Variants in EXOSC10 observed in about 807,000 individuals in gnomAD.
EXOSC10 encodes the protein exosome complex component 10.
Under a neutral mutation model 126.6 loss-of-function variants are expected in EXOSC10, and 94 were observed. That is an observed-to-expected ratio of 0.74 (90% CI 0.63 to 0.88). EXOSC10 has a LOEUF of 0.88. Ranked by LOEUF, EXOSC10 falls within the 40% of genes least tolerant of loss-of-function variation. EXOSC10 has a pLI of 0.00. For synonymous variants in EXOSC10, 395 were observed against 400.8 expected (o/e 0.99, Z 0.17); for missense variants, 1,041 against 1,100.5 (o/e 0.95, Z 0.77).
At chr1:11,091,422 A>C (rs1640798091) in intron 4 of EXOSC10, 71 bp downstream of exon 4, 1 of 1,309,828 alleles carries the variant, frequency 7.6e-7, no homozygotes, top group African/African-American at 1.5e-5. Flanking sequence ...ACAGAAATGC[A>C]TGTTAGAATG....
At chr1:11,097,587 G>A (rs1641180451) in intron 2 of EXOSC10, among the ~76,000 whole-genome samples, 1 of 151,350 alleles carries the variant, frequency 6.6e-6, no homozygotes, top group Non-Finnish European at 1.5e-5. Flanking sequence ...TTAGCTGGGC[G>A]TGTTGACGGG....
Position 11,079,253 on chromosome 1 carries a change from C to T in EXOSC10, c.1749+458G>A, listed in dbSNP as rs140099707. Among the ~76,000 whole-genome samples the T allele has an allele frequency of 2.0e-5, 3 of 151,128 alleles. No individual in the cohort carries two copies. In the East Asian group the frequency reaches 6.0e-4, roughly 30 times the overall value. The stretch of plus-strand genomic sequence containing the variant: ...TTGAGTCAGGAGAACTGCTTGAATC[C>T]AGGAGGCGGAGGTTGCAGTGAGCCG... On this transcript the variant is annotated intron_variant, in intron 14 of 24. Coordinates refer to ENST00000376936, the MANE Select transcript of EXOSC10 (RefSeq NM_001001998.3).
At chr1:11,074,110 CTT>C (rs1639679879) in intron 18 of EXOSC10, 102 bp from the exon 19 acceptor site, 1 of 1,394,682 alleles carries the variant, frequency 7.2e-7, no homozygotes, top group East Asian at 2.3e-5. Flanking sequence ...TTGTCAGCGT[CTT>C]TGCCAGGACA....
chr1:11,095,205 C>G (rs1216471379), intron 3 of EXOSC10, among the ~76,000 whole-genome samples: 28 of 143,734 alleles, frequency 1.9e-4, no homozygotes, highest in Non-Finnish European at 3.9e-4. Flanking sequence ...AAGCAAGACT[C>G]CGTCTCAAAA....
intron 9 of EXOSC10, among the ~76,000 whole-genome samples, chr1:11,086,731 A>G (rs2100208653): frequency 6.6e-6 from 1 of 152,310 alleles, no homozygotes; most frequent in East Asian, 1.9e-4. Flanking sequence ...TGGGTACATA[A>G]CGAAATGAAG....
chr1:11,083,302 C>G lies in EXOSC10; in HGVS notation c.1090-424G>C, dbSNP rs193227124. On this transcript the variant is annotated intron_variant, in intron 9 of 24. Transcript: ENST00000376936. ...ATATGCAGCTGGGCATGGTGGATCA[C>G]GCCTGTAATCCCAGCACTTTGGGCC... Among the ~76,000 whole-genome samples the G allele has an allele frequency of 3.7e-3, 567 of 152,192 alleles. 9 individuals carry two copies. Among genetic ancestry groups the G allele is most frequent in the African/African-American group, 0.013 (538 of 41,516 alleles).
In EXOSC10 at chr1:11,091,080, T is replaced by C. The variant is rs1640779488; in HGVS notation, c.577A>G (p.Asn193Asp). The C allele has an allele frequency of 1.2e-6, 2 of 1,614,098 alleles. No individual in the cohort carries two copies. The highest frequency in any genetic ancestry group is 1.7e-6 in the Non-Finnish European group (2 of 1,180,042). The change falls in exon 5 of 25, where the codon AAT becomes GAT. Residue 193 changes from asparagine to aspartate, a missense_variant. Coordinates refer to ENST00000376936, the MANE Select transcript of EXOSC10 (RefSeq NM_001001998.3). ...PQLKFREKID[N>D]SNTPFLPKIF... The stretch of plus-strand genomic sequence containing the variant: ...TTAGGAAGAAATGGTGTGTTGGAAT[T>C]GTCAATCTTCTCTCGAAACTTGAGC...
chr1:11,090,926 G>T, intron 5 of EXOSC10, 88 bp downstream of exon 5: 1 of 1,378,072 alleles, frequency 7.3e-7, no homozygotes, highest in South Asian at 1.4e-5. Context: ...GGCTCCCTTT[G>T]AACAAAGAAG....
Position 11,068,719 on chromosome 1 carries a change from A to C in EXOSC10, c.2489-13T>G. On this transcript the variant is annotated splice_polypyrimidine_tract_variant and intron_variant, in intron 22 of 24. Transcript: ENST00000376936. ...GATTTGCTGTTTCCTGAAAGGTAAG[A>C]GATGAGAGAGACCTGCGGTCAGGTC... 1 of 1,611,782 alleles carries C rather than the reference A, an allele frequency of 6.2e-7. No homozygotes were observed. The highest frequency in any genetic ancestry group is 8.5e-7 in the Non-Finnish European group (1 of 1,177,820).
intron 9 of EXOSC10, among the ~76,000 whole-genome samples, chr1:11,084,641 G>T (rs1444160533): frequency 1.3e-5 from 2 of 152,064 alleles, no homozygotes; most frequent in Non-Finnish European, 2.9e-5. Flanking sequence ...AGATCCCATT[G>T]GTCAATTCTG....
intron 8 of EXOSC10, 39 bp downstream of exon 8, chr1:11,087,761 A>G: frequency 1.3e-6 from 2 of 1,551,010 alleles, no homozygotes; most frequent in Non-Finnish European, 1.8e-6. Context: ...AACTCACAGA[A>G]AAATGTAAAA....
At chr1:11,080,644 G>A (rs1570816142) in intron 12 of EXOSC10, 95 bp from the exon 13 acceptor site, 9 of 1,603,026 alleles carry the variant, frequency 5.6e-6, no homozygotes, top group Non-Finnish European at 6.8e-6. Context: ...AGTTCCATTA[G>A]ATGCTGTCAC....
chr1:11,088,299 A>C, intron 6 of EXOSC10, 101 bp from the exon 7 acceptor site: 1 of 754,056 alleles, frequency 1.3e-6, no homozygotes, highest in Non-Finnish European at 2.1e-6. Flanking sequence ...ATGAGAAAAG[A>C]CCACTGTGAA....
intron 4 of EXOSC10, 147 bp from the exon 5 acceptor site, chr1:11,091,326 A>C: frequency 1.0e-6 from 1 of 977,062 alleles, no homozygotes; most frequent in South Asian, 1.6e-5. Context: ...AGGTCTCCAG[A>C]AAGAGAAGAA....
At chr1:11,074,593 A>T (rs573787095) in intron 17 of EXOSC10, among the ~76,000 whole-genome samples, 1 of 152,034 alleles carries the variant, frequency 6.6e-6, no homozygotes, top group South Asian at 2.1e-4. Context: ...TTGTATTTTT[A>T]GCAGAGACCA....
In EXOSC10 at chr1:11,094,040, A is replaced by G. The variant is rs577696992; in HGVS notation, c.372+1718T>C. On this transcript the variant is annotated intron_variant, in intron 3 of 24. Coordinates refer to ENST00000376936, the MANE Select transcript of EXOSC10 (RefSeq NM_001001998.3). Reference sequence around the variant, plus strand: ...GGTTGCAGTGAGTTATGGTTGCACCACTGCACTCCAGCCTGGGTGACAGAG... The same window carrying G: ...GGTTGCAGTGAGTTATGGTTGCACCGCTGCACTCCAGCCTGGGTGACAGAG... 4.6e-5 allele frequency among the ~76,000 whole-genome samples: 7 copies of G among 152,310 alleles called. No individual in the cohort carries two copies. The East Asian group carries it at 9.6e-4, about 21-fold the overall frequency.
intron 24 of EXOSC10, 86 bp from the exon 25 acceptor site, chr1:11,066,834 C>T: frequency 6.7e-7 from 1 of 1,500,272 alleles, no homozygotes; most frequent in Non-Finnish European, 9.3e-7. Context: ...AAATCTTAAT[C>T]ATGCAGAACA....
intron 9 of EXOSC10, among the ~76,000 whole-genome samples, chr1:11,086,425 A>T (rs367909506): frequency 5.9e-5 from 9 of 152,210 alleles, no homozygotes; most frequent in African/African-American, 2.2e-4. Context: ...GTTTGTAGTA[A>T]TCTCTGATGG....
rs201897981 is a variant in EXOSC10, at chr1:11,083,614, T to TAA, written c.1090-738_1090-737dup. On this transcript the variant is annotated intron_variant, in intron 9 of 24. Coordinates refer to ENST00000376936, the MANE Select transcript of EXOSC10 (RefSeq NM_001001998.3). The stretch of plus-strand genomic sequence containing the variant: ...GATATATGCAGGGTTTTTTTTAAGT[T>TAA]AAAAAAATTTTTTTTTAAATTTATT... 7.3e-3 allele frequency among the ~76,000 whole-genome samples: 1,101 copies of TAA among 149,990 alleles called. 23 individuals are homozygous for TAA. The highest frequency in any genetic ancestry group is 0.026 in the African/African-American group (1,038 of 40,384).
Sources: allele counts gnomAD v4.1 joint callset (sites outside exome capture counted in the v4.1 genomes callset), GRCh38; gene constraint gnomAD v4.1.1; transcripts MANE v1.5; gene names NCBI Gene and HGNC (gene_info 2026-07-23, HGNC 2026-07-21).